DNM1L: variants seen among roughly 807,000 people sequenced by gnomAD.
The protein encoded by DNM1L is dynamin 1L.
DNM1L carries 33 observed loss-of-function variants against 92.8 expected under a neutral mutation model. That is an observed-to-expected ratio of 0.36 (90% CI 0.27 to 0.48). The LOEUF (loss-of-function observed/expected upper bound fraction) is 0.48, where lower values mean the gene tolerates loss of function less well. Ranked by LOEUF, DNM1L falls within the 20% of genes least tolerant of loss-of-function variation. The pLI is 0.99. For missense variants in DNM1L, 485 were observed against 888.8 expected (o/e 0.55, Z 5.78); for synonymous variants, 284 against 305.0 (o/e 0.93, Z 0.72).
intron 1 of DNM1L, among the ~76,000 whole-genome samples, chr12:32,683,183 A>G (rs373510295): frequency 2.9e-4 from 44 of 152,304 alleles, no homozygotes; most frequent in African/African-American, 3.6e-4. Flanking sequence ...TCAGCATTCT[A>G]TCTTCAGTAA....
intron 1 of DNM1L, among the ~76,000 whole-genome samples, chr12:32,693,930 C>T (rs1190282563): frequency 1.3e-5 from 2 of 152,176 alleles, no homozygotes; most frequent in South Asian, 2.1e-4. Context: ...TGTGCCACCT[C>T]GCCTGGCCTT....
chr12:32,730,049 C>G (rs12427065), intron 9 of DNM1L, among the ~76,000 whole-genome samples: 19 of 152,102 alleles, frequency 1.2e-4, no homozygotes, highest in Admixed American at 1.0e-3. Flanking sequence ...ACATAAGGTG[C>G]TCAGTAACTA....
intron 1 of DNM1L, among the ~76,000 whole-genome samples, chr12:32,691,031 C>A (rs1392871654): frequency 6.6e-6 from 1 of 152,164 alleles, no homozygotes; most frequent in Non-Finnish European, 1.5e-5. Flanking sequence ...ATGTCACAGA[C>A]TGGGTAGCTT....
At chr12:32,680,902 A>G (rs142010293) in intron 1 of DNM1L, among the ~76,000 whole-genome samples, 43 of 152,366 alleles carry the variant, frequency 2.8e-4, no homozygotes, top group Admixed American at 4.6e-4. Context: ...AGTGTCTTCT[A>G]GCTGCACACT....
intron 1 of DNM1L, 35 bp downstream of exon 1, chr12:32,679,500 C>T (rs759025359): frequency 3.0e-5 from 47 of 1,583,036 alleles, no homozygotes; most frequent in Non-Finnish European, 3.8e-5. Flanking sequence ...TCGGGCCAGA[C>T]CCCGGCCGCA....
rs147965524 is a variant in DNM1L, at chr12:32,742,934, C to T, written c.2154+186C>T. The stretch of plus-strand genomic sequence containing the variant: ...TTTTTGAGTGGGAGTCTGGCTCTGT[C>T]GCCCAGGCTGGAGTGCAGTGGCACA... On this transcript the variant is annotated intron_variant, in intron 19 of 19. Coordinates refer to ENST00000549701, the MANE Select transcript of DNM1L (RefSeq NM_012062.5). Among the ~76,000 whole-genome samples, 1,309 of 120,356 alleles carry T rather than the reference C, an allele frequency of 0.011. 31 individuals are homozygous for T. Among genetic ancestry groups the T allele is most frequent in the African/African-American group, 0.039 (1,204 of 30,754 alleles). The allele number at this position is 120,356 out of a possible 152,430, so 79.0% of individuals were successfully genotyped here. A position where few individuals can be genotyped will look rare whatever the true frequency, so the allele number is the denominator to read the frequency against.
chr12:32,708,085 C>T, intron 3 of DNM1L, 68 bp from the exon 4 acceptor site: 2 of 850,826 alleles, frequency 2.4e-6, no homozygotes, highest in South Asian at 2.9e-5. Flanking sequence ...TATATGGACT[C>T]CCCCTCCAGC....
rs138133550 is a variant in DNM1L, at chr12:32,740,190, A to G, written c.1834A>G (p.Ile612Val). The stretch of plus-strand genomic sequence containing the variant: ...AGAAGAAAAATCAAAACCCATTCCA[A>G]TTATGCCAGCCAGTCCACAAAAAGG... ...LAEEKSKPIP[I>V]MPASPQKGHA... is the part of the protein sequence containing the mutation. The change falls in exon 17 of 20, where the codon ATT becomes GTT. Residue 612 changes from isoleucine (I) to valine (V), a missense_variant. Ile to Val is a conservative substitution (Grantham distance 29). Around this residue, in one of 11 missense-constraint regions of DNM1L, gnomAD observed 133 missense variants for 210.9 expected, o/e 0.63. Coordinates refer to ENST00000549701, the MANE Select transcript of DNM1L (RefSeq NM_012062.5). 7.4e-6 allele frequency: 12 copies of G among 1,614,186 alleles called. No individual in the cohort carries two copies. Among genetic ancestry groups the G allele is most frequent in the African/African-American group, 5.3e-5 (4 of 75,052 alleles).
chr12:32,712,649 CAAAAAAAAAAAAAAAAAAAA>C (rs59906286), intron 5 of DNM1L, among the ~76,000 whole-genome samples: 2 of 29,780 alleles, frequency 6.7e-5, no homozygotes, highest in African/African-American at 1.2e-4. Flanking sequence ...GACCCTGTCT[CAAAAAAAAAAAAAAAAAAAA>C]AAAAAAAAAG....
chr12:32,701,372 T>G (rs778088547), intron 1 of DNM1L, 43 bp from the exon 2 acceptor site: 3 of 1,575,220 alleles, frequency 1.9e-6, no homozygotes, highest in Non-Finnish European at 2.6e-6. Flanking sequence ...ACAAAAAATG[T>G]GTTAAGAAAC....
At position 32,744,880 on chromosome 12, in the gene DNM1L, G is replaced by GTACTT. The variant is rs1555133474; in HGVS notation, c.*1471_*1475dup. 4.0e-6 allele frequency: 2 copies of GTACTT among 505,294 alleles called. No homozygotes were observed. The highest frequency in any genetic ancestry group is 3.9e-6 in the Non-Finnish European group (1 of 254,156). The allele number at this position is 505,294 out of a possible 1,614,324, so 31.3% of individuals were successfully genotyped here. On this transcript the variant is annotated 3_prime_UTR_variant, in exon 20 of 20. Coordinates refer to ENST00000549701, the MANE Select transcript of DNM1L (RefSeq NM_012062.5). ...ACGACTATATTATAAATTTTAAGAT[G>GTACTT]TACTTAGAAATCCTTAAGACATCTA...
chr12:32,735,812 G>C (rs1298299912), intron 13 of DNM1L, among the ~76,000 whole-genome samples: 1 of 152,040 alleles, frequency 6.6e-6, no homozygotes, highest in Non-Finnish European at 1.5e-5. Flanking sequence ...AGGAGGCGGA[G>C]GTTGCAGTGA....
intron 9 of DNM1L, chr12:32,726,826 C>A: frequency 1.6e-6 from 1 of 625,202 alleles, no homozygotes; most frequent in South Asian, 2.0e-5. Context: ...GAAAAGTGAT[C>A]AGAATCATCT....
At position 32,679,400 on chromosome 12, in the gene DNM1L, G is replaced by C. The variant is rs1157033230; in HGVS notation, c.37G>C (p.Asp13His). The C allele has an allele frequency of 1.2e-6, 2 of 1,613,878 alleles. No homozygotes were observed. The highest frequency in any genetic ancestry group is 1.7e-6 in the Non-Finnish European group (2 of 1,179,934). The change falls in exon 1 of 20, where the codon GAC (aspartate) becomes CAC (histidine). Residue 13 changes from aspartate to histidine, a missense_variant. Asp to His is a moderately conservative substitution (Grantham distance 81). Transcript: ENST00000549701. Reference sequence around the variant, plus strand: ...AATTCCTGTCATAAACAAGCTCCAGGACGTCTTCAACACGGTGGGCGCCGA... The same window carrying C: ...AATTCCTGTCATAAACAAGCTCCAGCACGTCTTCAACACGGTGGGCGCCGA... ...ALIPVINKLQ[D>H]VFNTVGADII...
intron 8 of DNM1L, among the ~76,000 whole-genome samples, chr12:32,721,007 G>A (rs1021938082): frequency 4.6e-5 from 7 of 152,142 alleles, no homozygotes; most frequent in African/African-American, 1.7e-4. Flanking sequence ...ATGTACAAGT[G>A]ATTTTAAAAT....
intron 9 of DNM1L, chr12:32,726,854 C>T: frequency 1.6e-6 from 1 of 637,440 alleles, no homozygotes; most frequent in Non-Finnish European, 2.9e-6. Context: ...GTTCTAACCT[C>T]ATCCTATATG....
rs1042001639 is a variant in DNM1L at position 32,683,679 on chromosome 12, G to C, written c.102+4214G>C. Among the ~76,000 whole-genome samples the C allele has an allele frequency of 4.6e-5, 7 of 151,874 alleles. No homozygotes were observed. The South Asian group carries it at 1.5e-3, about 32-fold the overall frequency. ...CCTGCCTCAGCCTCCTGAGTAGCTG[G>C]GATTACAGGTGCATGCCACCACGCC... On this transcript the variant is annotated intron_variant, in intron 1 of 19. Transcript: ENST00000549701.
intron 6 of DNM1L, among the ~76,000 whole-genome samples, chr12:32,717,336 A>G (rs1426656027): frequency 1.2e-5 from 1 of 83,514 alleles, no homozygotes; most frequent in East Asian, 2.9e-4. Flanking sequence ...TATATTTTAT[A>G]TATACTATAT....
At chr12:32,699,571 G>A (rs554397439) in intron 1 of DNM1L, among the ~76,000 whole-genome samples, 93 of 152,072 alleles carry the variant, frequency 6.1e-4, no homozygotes, top group Non-Finnish European at 1.2e-3. Flanking sequence ...TGAGGCGGGC[G>A]GATCACTTGA....
Sources: allele counts gnomAD v4.1 joint callset (sites outside exome capture counted in the v4.1 genomes callset), GRCh38; gene constraint gnomAD v4.1.1; regional missense constraint gnomAD v4.1.1; transcripts MANE v1.5; gene names NCBI Gene and HGNC (gene_info 2026-07-23, HGNC 2026-07-21).